RBFOX2: variants seen among roughly 807,000 people sequenced by gnomAD.
RBFOX2 encodes RNA binding protein fox-1 homolog 2.
In RBFOX2, 10 loss-of-function variants were observed where a neutral mutation model predicts 49.1. The observed-to-expected ratio is 0.20, with a 90% CI of 0.13 to 0.35. RBFOX2 has a LOEUF of 0.35. Among genes scored for constraint, RBFOX2 ranks in the 10% least tolerant of loss-of-function variants. The pLI is 1.00. For missense variants in RBFOX2, 323 were observed against 486.9 expected (o/e 0.66, Z 3.17); for synonymous variants, 183 against 187.4 (o/e 0.98, Z 0.19).
chr22:35,913,187 AC>A (rs1351957665), intron 1 of RBFOX2, among the ~76,000 whole-genome samples: 1 of 152,048 alleles, frequency 6.6e-6, no homozygotes. Flanking sequence ...TTAAAAGTAA[AC>A]CGTGGCCAGT....
intron 8 of RBFOX2, 128 bp downstream of exon 9, chr22:35,761,074 T>C (rs753978146): frequency 3.9e-5 from 29 of 753,182 alleles, no homozygotes; most frequent in Non-Finnish European, 5.7e-5. Context: ...GGCACTGGGA[T>C]AGTATTTAAT....
chr22:35,746,208 A>C (rs530078344), intron 10 of RBFOX2, among the ~76,000 whole-genome samples: 1 of 152,326 alleles, frequency 6.6e-6, no homozygotes, highest in African/African-American at 2.4e-5. Flanking sequence ...ATGGAAAAGA[A>C]AGGAGTTGGA....
intron 1 of RBFOX2, among the ~76,000 whole-genome samples, chr22:36,004,564 G>T (rs1392651124): frequency 2.0e-5 from 3 of 152,158 alleles, no homozygotes; most frequent in Non-Finnish European, 2.9e-5. Flanking sequence ...GGGAGGCCGA[G>T]GTGGGTAGAT....
intron 8 of RBFOX2, among the ~76,000 whole-genome samples, chr22:35,760,535 T>A (rs1447276265): frequency 6.6e-6 from 1 of 152,228 alleles, no homozygotes; most frequent in Non-Finnish European, 1.5e-5. Context: ...TCTTTAGACA[T>A]TTCATTTCAT....
chr22:35,764,476 C>T (rs375439075), intron 6 of RBFOX2, among the ~76,000 whole-genome samples: 22 of 149,082 alleles, frequency 1.5e-4, no homozygotes, highest in Admixed American at 2.7e-4. Flanking sequence ...CCCAGCTACT[C>T]GGGAGGCTGA....
At chr22:35,886,049 G>A (rs1603437054) in intron 1 of RBFOX2, among the ~76,000 whole-genome samples, 6 of 151,348 alleles carry the variant, frequency 4.0e-5, no homozygotes, top group East Asian at 2.0e-4. Flanking sequence ...GTAGAGACGG[G>A]GTTTCACCAT....
At chr22:35,877,061 C>T (rs5995175) in intron 1 of RBFOX2, among the ~76,000 whole-genome samples, 1 of 152,136 alleles carries the variant, frequency 6.6e-6, no homozygotes. Flanking sequence ...GTCACTGGTG[C>T]AACTTTTTAA....
chr22:35,769,143 T>C (rs1406697480), intron 4 of RBFOX2, among the ~76,000 whole-genome samples: 2 of 152,226 alleles, frequency 1.3e-5, no homozygotes, highest in South Asian at 2.1e-4. Flanking sequence ...TATTCATTTA[T>C]TGATGTTTAT....
At chr22:35,990,580 A>T (rs2057934232) in intron 1 of RBFOX2, among the ~76,000 whole-genome samples, 1 of 152,352 alleles carries the variant, frequency 6.6e-6, no homozygotes, top group African/African-American at 2.4e-5. Context: ...GACTAACCCC[A>T]AAATGTGGCC....
chr22:35,954,911 A>G (rs985057432), intron 1 of RBFOX2, among the ~76,000 whole-genome samples: 2 of 152,198 alleles, frequency 1.3e-5, no homozygotes, highest in African/African-American at 4.8e-5. Flanking sequence ...AGAAATTACA[A>G]AGAGGAGACT....
intron 1 of RBFOX2, among the ~76,000 whole-genome samples, chr22:35,830,981 G>C (rs1956683518): frequency 1.3e-5 from 2 of 152,192 alleles, no homozygotes; most frequent in South Asian, 2.1e-4. Context: ...ACTCAAAACT[G>C]TCTCTCTGTC....
At chr22:35,948,515 G>A (rs2054567819) in intron 1 of RBFOX2, among the ~76,000 whole-genome samples, 2 of 151,946 alleles carry the variant, frequency 1.3e-5, no homozygotes, top group Admixed American at 1.3e-4. Context: ...GAGACCCTGG[G>A]TCTATAAGAA....
intron 9 of RBFOX2, chr22:35,752,605 A>G (rs1184488400): frequency 4.6e-5 from 45 of 980,626 alleles, no homozygotes; most frequent in Non-Finnish European, 1.2e-6. Context: ...TCACACTGGC[A>G]CTCCTACCTG....
chr22:35,802,290 T>C (rs1289801789), intron 2 of RBFOX2, among the ~76,000 whole-genome samples: 1 of 152,156 alleles, frequency 6.6e-6, no homozygotes, highest in Non-Finnish European at 1.5e-5. Flanking sequence ...GTAAGTAATT[T>C]AAAAATGCCA....
intron 1 of RBFOX2, among the ~76,000 whole-genome samples, chr22:36,024,429 A>T (rs2059353368): frequency 6.6e-6 from 1 of 152,184 alleles, no homozygotes; most frequent in African/African-American, 2.4e-5. Context: ...AAGGCTTCAC[A>T]AAAGGAGTTA....
At chr22:35,975,712 G>GAA (rs889033673) in intron 1 of RBFOX2, among the ~76,000 whole-genome samples, 1 of 143,378 alleles carries the variant, frequency 7.0e-6, no homozygotes, top group African/African-American at 2.5e-5. Context: ...GTCAGGAACA[G>GAA]AAAAAAAAAA....
chr22:35,812,307 G>T, intron 1 of RBFOX2, among the ~76,000 whole-genome samples: 1 of 151,046 alleles, frequency 6.6e-6, no homozygotes. Flanking sequence ...TTAGTTCTTA[G>T]AAAATATGTT....
At chr22:35,773,520 T>C (rs2146847600) in intron 4 of RBFOX2, among the ~76,000 whole-genome samples, 1 of 152,192 alleles carries the variant, frequency 6.6e-6, no homozygotes, top group South Asian at 2.1e-4. Flanking sequence ...TATCAGATTA[T>C]CACATATACC....
rs1937965834 is a variant in RBFOX2 at position 35,759,495 on chromosome 22, G to A, written c.887+393C>T. ...TGCCCCAACACGGGGTGGTGATAAG[G>A]AGGTGAACACAGCAGATGCAGGCTT... is the stretch of plus-strand genomic sequence containing the variant. On this transcript the variant is annotated intron_variant, in intron 9 of 11. Transcript: ENST00000405409. The surrounding 1 kb of genome is among the most constrained non-coding windows in gnomAD (Gnocchi z 4.6). Among the ~76,000 whole-genome samples, 1 of 152,156 alleles carries A rather than the reference G, an allele frequency of 6.6e-6. No homozygotes were observed. Among genetic ancestry groups the A allele is most frequent in the Non-Finnish European group, 1.5e-5 (1 of 68,018 alleles).
Sources: gnomAD v4.1 joint callset for allele counts (sites outside exome capture counted in the v4.1 genomes callset) on GRCh38, gnomAD v4.1.1 for gene constraint, Gnocchi (gnomAD v3.1) non-coding constraint, MANE v1.5 for transcripts, NCBI Gene and HGNC (gene_info 2026-07-23, HGNC 2026-07-21) for gene names.